NLGN4Y: variants seen among roughly 807,000 people sequenced by gnomAD.
The protein encoded by NLGN4Y is neuroligin-4, Y-linked.
NLGN4Y carries 4 observed loss-of-function variants against 8.4 expected under a neutral mutation model. The observed-to-expected ratio is 0.48, with a 90% CI of 0.23 to 1.09. NLGN4Y has a LOEUF of 1.09. Among genes scored for constraint, NLGN4Y ranks in the 50% least tolerant of loss-of-function variants. The probability of loss-of-function intolerance (pLI) is 0.19; values close to 1 mark genes in which losing one functional copy is unlikely to be tolerated. For missense variants in NLGN4Y, 90 were observed against 192.3 expected, an observed-to-expected ratio of 0.47 and a Z score of 3.15; for synonymous variants, 35 against 75.6, an observed-to-expected ratio of 0.46 and a Z score of 2.78.
At chrY:14,634,845 A>C in intron 2 of NLGN4Y, among the ~76,000 whole-genome samples, 1 of 33,843 alleles carries the variant, frequency 3.0e-5, no homozygotes, top group Non-Finnish European at 7.3e-5. Context: ...AACATCTTGA[A>C]GTCTCCTTCA....
chrY:14,573,004 T>G (rs2080278406), intron 1 of NLGN4Y, among the ~76,000 whole-genome samples: 1 of 33,442 alleles, frequency 3.0e-5, no homozygotes, highest in South Asian at 6.7e-4. Flanking sequence ...TTGCCAGTAT[T>G]TTATTGAGGA....
intron 2 of NLGN4Y, among the ~76,000 whole-genome samples, chrY:14,663,778 C>G: frequency 3.1e-5 from 1 of 32,585 alleles, no homozygotes; most frequent in East Asian, 8.1e-4. Context: ...TCATTGTACT[C>G]CAGCCTAGGG....
At chrY:14,635,089 T>G in intron 2 of NLGN4Y, among the ~76,000 whole-genome samples, 1 of 33,472 alleles carries the variant, frequency 3.0e-5, no homozygotes, top group Admixed American at 2.7e-4. Context: ...CACTCTGTCT[T>G]TTATGACATA....
At chrY:14,831,095 G>A (rs904233410) in intron 6 of NLGN4Y, among the ~76,000 whole-genome samples, 2 of 33,098 alleles carry the variant, frequency 6.0e-5, no homozygotes, top group Admixed American at 5.5e-4. Flanking sequence ...GGAGTGCAAT[G>A]GTGCAAGCAT....
chrY:14,693,003 T>G, intron 2 of NLGN4Y, among the ~76,000 whole-genome samples: 3 of 33,040 alleles, frequency 9.1e-5, no homozygotes, highest in Non-Finnish European at 2.2e-4. Context: ...CTGCTACAGA[T>G]GCCACCATGG....
chrY:14,654,239 A>G (rs960443713), intron 2 of NLGN4Y, among the ~76,000 whole-genome samples: 49 of 33,042 alleles, frequency 1.5e-3, no homozygotes, highest in African/African-American at 5.7e-3. Flanking sequence ...ATTATCTATT[A>G]TTGATATTTA....
intron 4 of NLGN4Y, among the ~76,000 whole-genome samples, chrY:14,780,309 T>G: frequency 3.0e-5 from 1 of 33,214 alleles, no homozygotes; most frequent in Non-Finnish European, 7.4e-5. Flanking sequence ...GACCAACTTT[T>G]TTTCCCACTC....
At chrY:14,697,835 C>A in intron 2 of NLGN4Y, among the ~76,000 whole-genome samples, 1 of 32,604 alleles carries the variant, frequency 3.1e-5, no homozygotes, top group African/African-American at 1.2e-4. Context: ...AGTAGCATTT[C>A]ACAGTGGGAA....
chrY:14,595,413 G>T, intron 1 of NLGN4Y, among the ~76,000 whole-genome samples: 1 of 32,827 alleles, frequency 3.0e-5, no homozygotes, highest in Non-Finnish European at 7.5e-5. Flanking sequence ...GCTTTGCATA[G>T]TTGTGTATTC....
chrY:14,608,845 C>G (rs2080456427), intron 1 of NLGN4Y, among the ~76,000 whole-genome samples: 1 of 32,947 alleles, frequency 3.0e-5, no homozygotes, highest in South Asian at 6.9e-4. Flanking sequence ...TATCCATGAG[C>G]ATGTAATGTT....
intron 5 of NLGN4Y, among the ~76,000 whole-genome samples, chrY:14,826,537 T>C (rs2043147396): frequency 6.3e-5 from 2 of 31,940 alleles, no homozygotes; most frequent in Non-Finnish European, 1.5e-4. Flanking sequence ...GATGGTTTTT[T>C]ACCATATTGG....
chrY:14,718,046 A>G, intron 2 of NLGN4Y, among the ~76,000 whole-genome samples: 2 of 33,893 alleles, frequency 5.9e-5, no homozygotes, highest in South Asian at 1.3e-3. Context: ...AATATTATGT[A>G]AAGTAAAAGA....
chrY:14,589,526 T>C (rs2080357751), intron 1 of NLGN4Y, among the ~76,000 whole-genome samples: 2 of 31,147 alleles, frequency 6.4e-5, no homozygotes, highest in Admixed American at 2.8e-4. Context: ...AGGGTGCTGA[T>C]TGGTGTATTT....
chrY:14,755,441 T>C (rs2081053504), intron 4 of NLGN4Y, among the ~76,000 whole-genome samples: 2 of 33,893 alleles, frequency 5.9e-5, no homozygotes, highest in African/African-American at 2.3e-4. Context: ...TTCACTGATA[T>C]TTACTTTCAT....
chrY:14,765,840 A>G (rs2081092281), intron 4 of NLGN4Y, among the ~76,000 whole-genome samples: 1 of 33,564 alleles, frequency 3.0e-5, no homozygotes, highest in Non-Finnish European at 7.4e-5. Context: ...AGTAAATCAG[A>G]ATTAGCTTTT....
At chrY:14,583,667 G>T in intron 1 of NLGN4Y, among the ~76,000 whole-genome samples, 1 of 33,865 alleles carries the variant, frequency 3.0e-5, no homozygotes, top group Non-Finnish European at 7.3e-5. Context: ...CCTCAGCTAG[G>T]TTGCCTCCTC....
At chrY:14,832,609 A>G (rs2043183673) in intron 6 of NLGN4Y, among the ~76,000 whole-genome samples, 1 of 33,630 alleles carries the variant, frequency 3.0e-5, no homozygotes, top group Non-Finnish European at 7.4e-5. Flanking sequence ...GGAGGTCAAG[A>G]GTTTAAGACA....
intron 4 of NLGN4Y, among the ~76,000 whole-genome samples, chrY:14,772,274 C>T: frequency 2.1e-4 from 7 of 33,305 alleles, no homozygotes; most frequent in Non-Finnish European, 4.5e-4. Context: ...TCTGAGAATA[C>T]TATAAACAGC....
At chrY:14,729,104 A>G (rs2080963817) in intron 4 of NLGN4Y, among the ~76,000 whole-genome samples, 1 of 33,313 alleles carries the variant, frequency 3.0e-5, no homozygotes, top group Non-Finnish European at 7.4e-5. Flanking sequence ...ACATATTCTT[A>G]TATTTCTTGG....
Sources: gnomAD v4.1 joint callset for allele counts (sites outside exome capture counted in the v4.1 genomes callset) on GRCh38, gnomAD v4.1.1 for gene constraint, MANE v1.5 for transcripts, NCBI Gene and HGNC (gene_info 2026-07-23, HGNC 2026-07-21) for gene names.